CAPS2: variants seen among roughly 807,000 people sequenced by gnomAD.
CAPS2 encodes calcyphosin-2.
A neutral mutation model predicts 86.5 loss-of-function variants in CAPS2; 98 were observed. The ratio of observed to expected loss-of-function variants is 1.13; its 90% confidence interval spans 0.96 to 1.34. The LOEUF is 1.34. CAPS2 is among the 40% of genes most tolerant of loss of function. The pLI, the probability that CAPS2 is intolerant of heterozygous loss-of-function variation, is 0.00. For missense variants in CAPS2, 729 were observed against 686.8 expected (o/e 1.06, Z -0.69); for synonymous variants, 210 against 225.1 (o/e 0.93, Z 0.60).
Position 75,280,593 on chromosome 12 carries a change from C to T in CAPS2, c.1613-1528G>A, listed in dbSNP as rs746507610. Among the ~76,000 whole-genome samples the T allele has an allele frequency of 2.1e-3, 315 of 151,752 alleles. 1 individual carries two copies. Among genetic ancestry groups the T allele is most frequent in the Non-Finnish European group, 1.9e-3 (127 of 67,760 alleles). The stretch of plus-strand genomic sequence containing the variant: ...AAAAATACATGATGTTAAACTATTT[C>T]GTTCTTATATTTAGTATGACTAATT... On this transcript the variant is annotated intron_variant, in intron 16 of 16. Coordinates refer to ENST00000393284, the Ensembl canonical transcript of CAPS2.
intron 1 of CAPS2, chr12:75,370,267 T>C: frequency 2.8e-6 from 2 of 712,470 alleles, no homozygotes; most frequent in East Asian, 5.4e-5. Context: ...GCTTCTTTAC[T>C]GAATCTTCTA....
At chr12:75,341,397 T>A (rs2042095668) in intron 1 of CAPS2, among the ~76,000 whole-genome samples, 1 of 152,210 alleles carries the variant, frequency 6.6e-6, no homozygotes. Flanking sequence ...GAAGCCAATC[T>A]CAAAATGGAT....
intron 1 of CAPS2, among the ~76,000 whole-genome samples, chr12:75,368,513 T>C (rs1292649313): frequency 1.3e-5 from 2 of 151,808 alleles, no homozygotes; most frequent in Non-Finnish European, 2.9e-5. Flanking sequence ...AGGAATACAA[T>C]ATTACGTTAT....
At chr12:75,377,373 A>T (rs2044703436) in intron 1 of CAPS2, among the ~76,000 whole-genome samples, 1 of 152,220 alleles carries the variant, frequency 6.6e-6, no homozygotes, top group South Asian at 2.1e-4. Context: ...TCACACAATC[A>T]CAAGGTGAAA....
At chr12:75,303,431 C>T (rs1039319629) in intron 8 of CAPS2, among the ~76,000 whole-genome samples, 1 of 152,094 alleles carries the variant, frequency 6.6e-6, no homozygotes, top group Non-Finnish European at 1.5e-5. Context: ...AGAGGTTAAC[C>T]TGGTATAGCA....
At chr12:75,276,073 G>T, downstream of CAPS2, 1 of 820,790 alleles carries the variant, frequency 1.2e-6, no homozygotes, top group Non-Finnish European at 1.7e-6. Flanking sequence ...GGAACGATAT[G>T]TATGACAAGA....
At chr12:75,314,101 G>A (rs2039507377) in intron 6 of CAPS2, among the ~76,000 whole-genome samples, 1 of 152,094 alleles carries the variant, frequency 6.6e-6, no homozygotes, top group Non-Finnish European at 1.5e-5. Context: ...TGTATTTTTA[G>A]TAGAGACGGG....
intron 16 of CAPS2, 82 bp from the exon 17 acceptor site, chr12:75,279,147 T>A (rs2033427942): frequency 8.4e-7 from 1 of 1,186,968 alleles, no homozygotes. Flanking sequence ...TACTTAATCA[T>A]CTTATGAAAT....
chr12:75,287,656 T>G (rs998592557), intron 14 of CAPS2, among the ~76,000 whole-genome samples: 5 of 152,168 alleles, frequency 3.3e-5, no homozygotes, highest in Non-Finnish European at 5.9e-5. Context: ...AGGGAGGGCA[T>G]GAAAGCTCTG....
chr12:75,386,364 A>G (rs2045292067), intron 1 of CAPS2, among the ~76,000 whole-genome samples: 3 of 152,188 alleles, frequency 2.0e-5, no homozygotes, highest in Admixed American at 2.0e-4. Context: ...TCTGGAGGCT[A>G]GAAAGTCCAA....
chr12:75,287,685 T>C (rs2035140984), intron 14 of CAPS2, among the ~76,000 whole-genome samples: 1 of 152,172 alleles, frequency 6.6e-6, no homozygotes, highest in African/African-American at 2.4e-5. Flanking sequence ...TCCCGATACT[T>C]TGCGTATTCA....
At chr12:75,311,358 G>C (rs537667737) in intron 7 of CAPS2, among the ~76,000 whole-genome samples, 4 of 152,026 alleles carry the variant, frequency 2.6e-5, no homozygotes, top group Non-Finnish European at 4.4e-5. Flanking sequence ...AGAAAGAAAG[G>C]GATCAAAATA....
chr12:75,285,043 CCATTGT>C, exon 15 of CAPS2: 1 of 1,611,278 alleles, frequency 6.2e-7, no homozygotes. Context: ...CTTGCCATTG[CCATTGT>C]CATTCAGAAT....
chr12:75,326,289 A>C (rs780441073), intron 1 of CAPS2, 129 bp downstream of exon 2: 1 of 432,034 alleles, frequency 2.3e-6, no homozygotes. Context: ...TGGTGGTTCC[A>C]TTCTTCAAAT....
intron 5 of CAPS2, among the ~76,000 whole-genome samples, chr12:75,321,082 G>A (rs946164725): frequency 1.3e-5 from 2 of 151,900 alleles, no homozygotes; most frequent in Admixed American, 6.6e-5. Context: ...AGACAGCTAC[G>A]TCAACAAAAT....
chr12:75,329,092 T>C (rs906886524), upstream of CAPS2, among the ~76,000 whole-genome samples: 10 of 152,232 alleles, frequency 6.6e-5, no homozygotes, highest in Non-Finnish European at 1.3e-4. Context: ...TTGCCAGTTA[T>C]TGCAGACCCG....
chr12:75,299,321 G>C (rs1001043702), intron 9 of CAPS2, among the ~76,000 whole-genome samples: 1 of 152,084 alleles, frequency 6.6e-6, no homozygotes, highest in African/African-American at 2.4e-5. Flanking sequence ...TATTGTCATA[G>C]AAAGCTTTAA....
At chr12:75,338,756 C>T (rs556251196) in intron 1 of CAPS2, among the ~76,000 whole-genome samples, 17 of 152,194 alleles carry the variant, frequency 1.1e-4, no homozygotes, top group African/African-American at 3.9e-4. Flanking sequence ...CTCCTCCCAC[C>T]GCCTTCTGCC....
intron 7 of CAPS2, among the ~76,000 whole-genome samples, chr12:75,310,771 T>C (rs772242628): frequency 7.2e-5 from 11 of 152,124 alleles, no homozygotes; most frequent in Non-Finnish European, 1.5e-4. Context: ...TTATCTAGGA[T>C]GGTTTCAGCT....
Sources: gnomAD v4.1 joint callset for allele counts (sites outside exome capture counted in the v4.1 genomes callset) on GRCh38, gnomAD v4.1.1 for gene constraint, MANE v1.5 for transcripts, NCBI Gene and HGNC (gene_info 2026-07-23, HGNC 2026-07-21) for gene names.